The following DIPK1A variants were observed in gnomAD, a reference collection of about 807,000 sequenced individuals.
DIPK1A encodes family with sequence similarity 69 member A.
Under a neutral mutation model 40.8 loss-of-function variants are expected in DIPK1A, and 27 were observed. That is an observed-to-expected ratio of 0.66 (90% CI 0.49 to 0.91). DIPK1A has a LOEUF of 0.91. Among genes scored for constraint, DIPK1A ranks in the 40% least tolerant of loss-of-function variants. The pLI, the probability that DIPK1A is intolerant of heterozygous loss-of-function variation, is 0.00. For missense variants in DIPK1A, 412 were observed against 505.7 expected (o/e 0.81, Z 1.78); for synonymous variants, 166 against 171.3 (o/e 0.97, Z 0.24).
intron 1 of DIPK1A, among the ~76,000 whole-genome samples, chr1:92,894,132 T>A (rs1324357172): frequency 6.6e-6 from 1 of 152,150 alleles, no homozygotes; most frequent in Admixed American, 6.5e-5. Flanking sequence ...GGAATTGAAC[T>A]CAGCTCTGCA....
At chr1:92,956,439 T>C (rs1175238495) in intron 1 of DIPK1A, among the ~76,000 whole-genome samples, 3 of 152,246 alleles carry the variant, frequency 2.0e-5, no homozygotes, top group Admixed American at 2.0e-4. Flanking sequence ...AGCTAATCTC[T>C]GAACAGCAGG....
At chr1:92,918,337 TAG>T (rs1397367072) in intron 1 of DIPK1A, among the ~76,000 whole-genome samples, 1 of 152,076 alleles carries the variant, frequency 6.6e-6, no homozygotes, top group Non-Finnish European at 1.5e-5. Context: ...TCTGTAGAGA[TAG>T]AGTTTCATTA....
At chr1:92,930,723 T>C (rs1314126720) in intron 1 of DIPK1A, 1 of 152,242 alleles carries the variant, frequency 6.6e-6, no homozygotes, top group African/African-American at 2.4e-5. Flanking sequence ...CCTTTTCTGA[T>C]ACTGTTTACT....
At chr1:92,915,397 T>G (rs1050071084) in intron 1 of DIPK1A, among the ~76,000 whole-genome samples, 6 of 152,110 alleles carry the variant, frequency 3.9e-5, no homozygotes, top group African/African-American at 1.4e-4. Flanking sequence ...TTACAGTCTC[T>G]CTCTATAAAA....
chr1:92,953,380 C>A (rs1412716694), intron 1 of DIPK1A, among the ~76,000 whole-genome samples: 1 of 152,096 alleles, frequency 6.6e-6, no homozygotes, highest in Non-Finnish European at 1.5e-5. Context: ...AATAGAATTA[C>A]CATGTGATCC....
downstream of DIPK1A, chr1:92,842,105 T>C (rs1687389613): frequency 3.7e-6 from 3 of 812,694 alleles, no homozygotes; most frequent in South Asian, 6.1e-5. Context: ...ATCCCTTATG[T>C]TGTATGATGA....
chr1:92,872,069 CTTTTTTTTTTT>C (rs148010880), intron 2 of DIPK1A, among the ~76,000 whole-genome samples: 7 of 67,958 alleles, frequency 1.0e-4, no homozygotes, highest in Non-Finnish European at 1.3e-4. Flanking sequence ...TTCTTTAAAT[CTTTTTTTTTTT>C]TTTTTTTTTT....
chr1:92,837,459 C>T (rs779537310), downstream of DIPK1A: 2 of 1,613,026 alleles, frequency 1.2e-6, no homozygotes. Context: ...ATTTTAGTAC[C>T]AAACGATTCC....
At chr1:92,919,406 T>C (rs530453079) in intron 1 of DIPK1A, among the ~76,000 whole-genome samples, 93 of 152,336 alleles carry the variant, frequency 6.1e-4, no homozygotes, top group African/African-American at 2.0e-3. Flanking sequence ...TTATTGTTTC[T>C]GGAAGACATG....
At chr1:92,960,772 C>T (rs1205443552) in intron 1 of DIPK1A, among the ~76,000 whole-genome samples, 1 of 152,230 alleles carries the variant, frequency 6.6e-6, no homozygotes, top group Admixed American at 6.5e-5. Flanking sequence ...CTCCACCTCC[C>T]ATTTAAATCT....
At chr1:92,906,424 G>C (rs764281322) in intron 1 of DIPK1A, among the ~76,000 whole-genome samples, 2 of 152,078 alleles carry the variant, frequency 1.3e-5, no homozygotes, top group Non-Finnish European at 2.9e-5. Flanking sequence ...AAAATGGTTT[G>C]GAATTTGTCA....
chr1:92,903,052 CTTTCT>C (rs1186322655), intron 1 of DIPK1A, among the ~76,000 whole-genome samples: 1 of 151,952 alleles, frequency 6.6e-6, no homozygotes. Flanking sequence ...TGTTACACTG[CTTTCT>C]TTTTATTTAT....
chr1:92,846,808 T>C (rs1292382775), intron 4 of DIPK1A, among the ~76,000 whole-genome samples: 2 of 2,424 alleles, frequency 8.3e-4, no homozygotes, highest in African/African-American at 3.6e-3. Context: ...TATATATATA[T>C]ATATATATAT....
At chr1:92,844,668 A>G (rs1482067098) in intron 4 of DIPK1A, among the ~76,000 whole-genome samples, 9 of 152,082 alleles carry the variant, frequency 5.9e-5, no homozygotes, top group Non-Finnish European at 2.9e-5. Context: ...GGCTCAGGTG[A>G]TCCTCCTACC....
At chr1:92,934,319 T>TA (rs1289834200) in intron 1 of DIPK1A, among the ~76,000 whole-genome samples, 1 of 152,204 alleles carries the variant, frequency 6.6e-6, no homozygotes, top group Non-Finnish European at 1.5e-5. Context: ...TAAATGAATT[T>TA]AAAAAGTGGA....
intron 1 of DIPK1A, among the ~76,000 whole-genome samples, chr1:92,887,415 G>C (rs1648660808): frequency 6.6e-6 from 1 of 152,052 alleles, no homozygotes; most frequent in South Asian, 2.1e-4. Flanking sequence ...GACAGAGGGA[G>C]ACCCTGTCTC....
chr1:92,885,414 G>A (rs1198323305), intron 1 of DIPK1A, among the ~76,000 whole-genome samples: 3 of 152,044 alleles, frequency 2.0e-5, no homozygotes, highest in African/African-American at 7.2e-5. Flanking sequence ...TGTCTCCCAG[G>A]CTGGAGTCTC....
intron 1 of DIPK1A, among the ~76,000 whole-genome samples, chr1:92,943,509 A>AC (rs1190370243): frequency 1.3e-5 from 2 of 152,058 alleles, no homozygotes; most frequent in African/African-American, 4.8e-5. Flanking sequence ...ACTGGTTGGC[A>AC]CCCCCAACCA....
At position 92,935,293 on chromosome 1, in the gene DIPK1A, G is replaced by A. The variant is rs566054800; in HGVS notation, c.54+26083C>T. On this transcript the variant is annotated intron_variant, in intron 1 of 4. Coordinates refer to ENST00000370310, the MANE Select transcript of DIPK1A (RefSeq NM_001006605.5). ...AGTCATTTCATAACTTGACATTCCC[G>A]TTCAGTGTTTTGCTAGAAATTGCAA... Among the ~76,000 whole-genome samples, 13 of 152,112 alleles carry A rather than the reference G, an allele frequency of 8.5e-5. No homozygotes were observed. In the South Asian group the frequency reaches 2.7e-3, roughly 32 times the overall value.
Sources: allele counts gnomAD v4.1 joint callset (sites outside exome capture counted in the v4.1 genomes callset), GRCh38; gene constraint gnomAD v4.1.1; transcripts MANE v1.5; gene names NCBI Gene and HGNC (gene_info 2026-07-23, HGNC 2026-07-21).